The following GRIK4 variants were observed in gnomAD, a reference collection of about 807,000 sequenced individuals.
The protein encoded by GRIK4 is glutamate receptor ionotropic, kainate 4.
A neutral mutation model predicts 104.9 loss-of-function variants in GRIK4; 40 were observed. The ratio of observed to expected loss-of-function variants is 0.38; its 90% CI spans 0.30 to 0.50. GRIK4 has a LOEUF of 0.50. Ranked by LOEUF, GRIK4 falls within the 20% of genes least tolerant of loss-of-function variation. The pLI is 0.93. For synonymous variants in GRIK4, 485 were observed against 524.9 expected (o/e 0.92, Z 1.04); for missense variants, 1,047 against 1,308.1 (o/e 0.80, Z 3.08).
At chr11:120,935,377 C>T (rs1943573837) in intron 13 of GRIK4, among the ~76,000 whole-genome samples, 1 of 150,344 alleles carries the variant, frequency 6.7e-6, no homozygotes, top group Admixed American at 6.6e-5. Context: ...ATGGTGAAAC[C>T]CCGTCTCTAC....
At chr11:120,649,281 C>A (rs1949586165) in intron 1 of GRIK4, among the ~76,000 whole-genome samples, 1 of 151,900 alleles carries the variant, frequency 6.6e-6, no homozygotes. Context: ...TAGCTCCTTT[C>A]TCACCTGCTC....
In GRIK4 at chr11:120,580,233, TTC is replaced by T. The variant is rs1491508617; in HGVS notation, c.-159+68348_-159+68349del. Among the ~76,000 whole-genome samples, 353 of 145,236 alleles carry T rather than the reference TTC, an allele frequency of 2.4e-3. 4 individuals are homozygous for T. The highest frequency in any genetic ancestry group is 9.2e-3 in the African/African-American group (336 of 36,594). Reference sequence around the variant, plus strand: ...TTTCTTTCTTTCTTTCTTTCTTTCTTTCTTTCTTTCTTTCTTTCTTTTTCTTT... The same window carrying T: ...TTTCTTTCTTTCTTTCTTTCTTTCTTTTTCTTTCTTTCTTTCTTTTTCTTT... On this transcript the variant is annotated intron_variant, in intron 1 of 20. Transcript: ENST00000527524.
At chr11:120,912,966 C>G (rs1029554567) in intron 13 of GRIK4, among the ~76,000 whole-genome samples, 1 of 152,202 alleles carries the variant, frequency 6.6e-6, no homozygotes, top group African/African-American at 2.4e-5. Flanking sequence ...GGAACCAGCA[C>G]AGTCAGGCAA....
At chr11:120,930,002 T>TTG (rs369346546) in intron 13 of GRIK4, among the ~76,000 whole-genome samples, 5 of 150,282 alleles carry the variant, frequency 3.3e-5, no homozygotes, top group African/African-American at 7.4e-5. Context: ...AGGCCACGTT[T>TTG]GGGGGGGGGG....
Position 120,576,044 on chromosome 11 carries a change from A to G in GRIK4, c.-159+64157A>G, listed in dbSNP as rs949471673. On this transcript the variant is annotated intron_variant, in intron 1 of 20. Coordinates refer to ENST00000527524, the MANE Select transcript of GRIK4 (RefSeq NM_014619.5). Reference sequence around the variant, plus strand: ...CCCTTTTATTTTCTGGGAGGCAACCATAGGAAAACAAAGTGTGAGTGGCCA... The same window carrying G: ...CCCTTTTATTTTCTGGGAGGCAACCGTAGGAAAACAAAGTGTGAGTGGCCA... 4.0e-5 allele frequency: 6 copies of G among 151,792 alleles called. No homozygotes were observed. The South Asian group carries it at 6.2e-4, about 16-fold the overall frequency. 9.4% of individuals were successfully genotyped at this position (151,792 alleles called of 1,614,324 possible).
intron 3 of GRIK4, among the ~76,000 whole-genome samples, chr11:120,732,086 C>T (rs1383202859): frequency 2.0e-5 from 3 of 151,880 alleles, no homozygotes; most frequent in African/African-American, 7.3e-5. Context: ...ATTTTGGGTT[C>T]AGTTTGCTCT....
intron 3 of GRIK4, among the ~76,000 whole-genome samples, chr11:120,687,629 T>C (rs12287882): frequency 0.099 from 15,134 of 152,252 alleles, 820 homozygotes; most frequent in South Asian, 0.13. Context: ...TTGTATAGGC[T>C]GTACCTGCTG....
At chr11:120,807,891 C>A (rs4278523) in intron 4 of GRIK4, among the ~76,000 whole-genome samples, 4 of 152,038 alleles carry the variant, frequency 2.6e-5, no homozygotes, top group Non-Finnish European at 5.9e-5. Flanking sequence ...ATCTGCAAAA[C>A]GACACCATCT....
At chr11:120,881,895 G>A (rs919886161) in intron 11 of GRIK4, among the ~76,000 whole-genome samples, 6 of 152,132 alleles carry the variant, frequency 3.9e-5, no homozygotes, top group Admixed American at 1.3e-4. Context: ...GAGAACTCTG[G>A]AAAATAGCTT....
intron 1 of GRIK4, among the ~76,000 whole-genome samples, chr11:120,601,416 A>G (rs1948885229): frequency 6.6e-6 from 1 of 152,110 alleles, no homozygotes; most frequent in African/African-American, 2.4e-5. Flanking sequence ...AAACGAAAAC[A>G]AAAACAAACC....
chr11:120,531,260 A>C (rs1469347769), intron 1 of GRIK4, among the ~76,000 whole-genome samples: 1 of 152,274 alleles, frequency 6.6e-6, no homozygotes, highest in African/African-American at 2.4e-5. Context: ...AGAAAGATCA[A>C]GAGTGAAACT....
intron 1 of GRIK4, among the ~76,000 whole-genome samples, chr11:120,514,765 G>A (rs1015587709): frequency 1.3e-5 from 2 of 152,148 alleles, no homozygotes; most frequent in African/African-American, 4.8e-5. Flanking sequence ...CAGCCGGGGT[G>A]CCTGGGGCAC....
chr11:120,777,596 C>A (rs1191649181), intron 3 of GRIK4, among the ~76,000 whole-genome samples: 1 of 152,212 alleles, frequency 6.6e-6, no homozygotes, highest in East Asian at 1.9e-4. Flanking sequence ...GACAAAGAAG[C>A]CAAGAAATGT....
intron 8 of GRIK4, 82 bp from the exon 9 acceptor site, chr11:120,861,877 C>T: frequency 9.6e-7 from 1 of 1,040,994 alleles, no homozygotes; most frequent in East Asian, 2.4e-5. Flanking sequence ...GAATGTGGTA[C>T]CCAGATATGC....
At chr11:120,894,054 G>C (rs1942497118) in intron 11 of GRIK4, among the ~76,000 whole-genome samples, 1 of 152,186 alleles carries the variant, frequency 6.6e-6, no homozygotes, top group African/African-American at 2.4e-5. Context: ...TGCTGATACT[G>C]TTGGTCTGGG....
At chr11:120,651,854 G>A (rs1334459440) in intron 1 of GRIK4, among the ~76,000 whole-genome samples, 2 of 152,214 alleles carry the variant, frequency 1.3e-5, no homozygotes, top group Non-Finnish European at 2.9e-5. Flanking sequence ...ATGTGCAGGT[G>A]ACCTGCTTGC....
chr11:120,705,802 T>G (rs1021172665), intron 3 of GRIK4, among the ~76,000 whole-genome samples: 1 of 152,244 alleles, frequency 6.6e-6, no homozygotes, highest in Admixed American at 6.5e-5. Context: ...TAATTTCTTT[T>G]TCAGATTGTC....
At chr11:120,867,988 C>T (rs1006367248) in intron 9 of GRIK4, 2 of 152,102 alleles carry the variant, frequency 1.3e-5, no homozygotes, top group Non-Finnish European at 1.5e-5. Flanking sequence ...AAGAACTATT[C>T]CATGGGATTT....
chr11:120,915,864 C>T (rs188395428), intron 13 of GRIK4, among the ~76,000 whole-genome samples: 14 of 152,328 alleles, frequency 9.2e-5, no homozygotes, highest in Admixed American at 3.3e-4. Context: ...CAGATGAGGG[C>T]ACAGAGGCTT....
Sources: gnomAD v4.1 joint callset for allele counts (sites outside exome capture counted in the v4.1 genomes callset) on GRCh38, gnomAD v4.1.1 for gene constraint, MANE v1.5 for transcripts, NCBI Gene and HGNC (gene_info 2026-07-23, HGNC 2026-07-21) for gene names.